Variants in TMEM106B observed in about 807,000 individuals in gnomAD.
TMEM106B encodes transmembrane protein 106B.
Under a neutral mutation model 31.1 loss-of-function variants are expected in TMEM106B, and 15 were observed. That is an observed-to-expected ratio of 0.48 (90% CI 0.32 to 0.74). The LOEUF is 0.74. Ranked by LOEUF, TMEM106B falls within the 30% of genes least tolerant of loss-of-function variation. The probability of loss-of-function intolerance (pLI) is 0.03; values close to 1 mark genes in which losing one functional copy is unlikely to be tolerated. For missense variants in TMEM106B, 283 were observed against 327.3 expected (o/e 0.86, Z 1.04); for synonymous variants, 126 against 112.5 (o/e 1.12, Z -0.76).
rs527621274 is a variant in TMEM106B at position 12,238,547 on chromosome 7, C to G, written c.*6572C>G. The G allele has an allele frequency of 1.3e-5, 2 of 152,294 alleles. No individual in the cohort carries two copies. The highest frequency in any genetic ancestry group is 3.9e-4 in the East Asian group (2 of 5,174). The allele number at this position is 152,294 out of a possible 1,614,324, so 9.4% of individuals were successfully genotyped here. On this transcript the variant is annotated 3_prime_UTR_variant, in exon 8 of 8. Coordinates refer to ENST00000396668, the MANE Select transcript of TMEM106B (RefSeq NM_001134232.2). Reference sequence around the variant, plus strand: ...AGGTTTCAATTTACTTTGCCCAGATCCATCAGAGGAATCACTACCTATGAC... The same window carrying G: ...AGGTTTCAATTTACTTTGCCCAGATGCATCAGAGGAATCACTACCTATGAC...
At chr7:12,230,184 C>T (rs1453603608) in intron 5 of TMEM106B, among the ~76,000 whole-genome samples, 2 of 151,854 alleles carry the variant, frequency 1.3e-5, no homozygotes, top group Non-Finnish European at 2.9e-5. Flanking sequence ...CCGCCGTACT[C>T]CAAACTGGGT....
At position 12,229,660 on chromosome 7, in the gene TMEM106B, C is replaced by G. The variant is rs1406302209; in HGVS notation, c.442-19C>G. 2.6e-6 allele frequency: 4 copies of G among 1,520,074 alleles called. No individual in the cohort carries two copies. Among genetic ancestry groups the G allele is most frequent in the Non-Finnish European group, 3.5e-6 (4 of 1,133,556 alleles). 94.2% of individuals were successfully genotyped at this position (1,520,074 alleles called of 1,614,324 possible). The stretch of plus-strand genomic sequence containing the variant: ...TATTTTTAGCTAACTTGTAAATTTT[C>G]TGTGTCCTTTTTTTGTAGAACACAC... On this transcript the variant is annotated intron_variant, in intron 4 of 7. Transcript: ENST00000396668.
chr7:12,217,694 A>G (rs1217322783), intron 2 of TMEM106B, among the ~76,000 whole-genome samples: 1 of 152,162 alleles, frequency 6.6e-6, no homozygotes, highest in Non-Finnish European at 1.5e-5. Context: ...TATGGGTGTG[A>G]TGGGGGAGCA....
Position 12,240,308 on chromosome 7 carries a change from C to T in TMEM106B, c.*8333C>T, listed in dbSNP as rs981340137. ...CCACTTCGTGTCCAACCCCTCTCTA[C>T]TTTCCCTCTAAACTTACTCAAACAC... On this transcript the variant is annotated 3_prime_UTR_variant, in exon 8 of 8. Transcript: ENST00000396668. 2.0e-5 allele frequency: 3 copies of T among 152,170 alleles called. No individual in the cohort carries two copies. Among genetic ancestry groups the T allele is most frequent in the African/African-American group, 4.8e-5 (2 of 41,440 alleles). The allele number at this position is 152,170 out of a possible 1,614,324, so 9.4% of individuals were successfully genotyped here. A position where few individuals can be genotyped will look rare whatever the true frequency, so the allele number is the denominator to read the frequency against.
At chr7:12,214,472 C>G in intron 1 of TMEM106B, 1 of 215,896 alleles carries the variant, frequency 4.6e-6, no homozygotes, top group Non-Finnish European at 9.2e-6. Context: ...TGGACACCCC[C>G]CAGCCTTCCA....
chr7:12,222,078 A>G (rs1781800224), intron 3 of TMEM106B, among the ~76,000 whole-genome samples: 2 of 152,314 alleles, frequency 1.3e-5, no homozygotes, highest in East Asian at 1.9e-4. Context: ...TTTTGTCTGT[A>G]TACTTTAGCT....
chr7:12,239,459 A>G lies in TMEM106B; in HGVS notation c.*7484A>G, dbSNP rs987123309. ...CTTACAGTAAGGAAATAGCACTTTT[A>G]ATTTCCTTCAAGAACTTTTCCTTTG... On this transcript the variant is annotated 3_prime_UTR_variant, in exon 8 of 8. Transcript: ENST00000396668. 1 of 152,120 alleles carries G rather than the reference A, an allele frequency of 6.6e-6. No individual in the cohort carries two copies. Among genetic ancestry groups the G allele is most frequent in the Admixed American group, 6.6e-5 (1 of 15,262 alleles). 9.4% of individuals were successfully genotyped at this position (152,120 alleles called of 1,614,324 possible).
At chr7:12,212,121 A>C (rs1026085939) in intron 1 of TMEM106B, among the ~76,000 whole-genome samples, 2 of 152,170 alleles carry the variant, frequency 1.3e-5, no homozygotes, top group African/African-American at 4.8e-5. Flanking sequence ...TTGTCCAAAC[A>C]CCTACCCTAA....
intron 4 of TMEM106B, among the ~76,000 whole-genome samples, chr7:12,225,006 A>C (rs372063098): frequency 2.0e-5 from 3 of 151,904 alleles, no homozygotes; most frequent in Non-Finnish European, 4.4e-5. Context: ...TCCTAATGCT[A>C]TCCCTCCCCC....
At chr7:12,231,357 GA>G in intron 7 of TMEM106B, 1 of 401,142 alleles carries the variant, frequency 2.5e-6, no homozygotes, top group Middle Eastern at 7.0e-4. Flanking sequence ...CAGGAAAATG[GA>G]AAGGATACAG....
Position 12,232,962 on chromosome 7 carries a change from A to G in TMEM106B, c.*987A>G, listed in dbSNP as rs1782055614. ...TAGACATGTTTTGCAACTGTTAGGT[A>G]CCCAGTTATCAATTTTATCAATGTT... On this transcript the variant is annotated 3_prime_UTR_variant, in exon 8 of 8. Transcript: ENST00000396668. 1 of 151,684 alleles carries G rather than the reference A, an allele frequency of 6.6e-6. No homozygotes were observed. Among genetic ancestry groups the G allele is most frequent in the South Asian group, 2.1e-4 (1 of 4,820 alleles). The allele number at this position is 151,684 out of a possible 1,614,324, so 9.4% of individuals were successfully genotyped here.
At chr7:12,223,044 G>A (rs1468064041) in intron 3 of TMEM106B, among the ~76,000 whole-genome samples, 1 of 152,136 alleles carries the variant, frequency 6.6e-6, no homozygotes, top group African/African-American at 2.4e-5. Flanking sequence ...AAAAAAGGAT[G>A]TTGTGGGCAT....
chr7:12,236,779 A>G lies in TMEM106B; in HGVS notation c.*4804A>G, dbSNP rs1562712711. ...ACAAATGCCAAGTTGCAAAATATGC[A>G]GATTTTTATTATATAATGGTTTTAG... On this transcript the variant is annotated 3_prime_UTR_variant, in exon 8 of 8. Transcript: ENST00000396668. The G allele has an allele frequency of 6.6e-6, 1 of 152,036 alleles. No individual in the cohort carries two copies. Among genetic ancestry groups the G allele is most frequent in the Non-Finnish European group, 1.5e-5 (1 of 67,942 alleles). 9.4% of individuals were successfully genotyped at this position (152,036 alleles called of 1,614,324 possible). A position where few individuals can be genotyped will look rare whatever the true frequency, so the allele number is the denominator to read the frequency against.
At position 12,214,989 on chromosome 7, in the gene TMEM106B, C is replaced by T. The variant is rs1173289008; in HGVS notation, c.179C>T (p.Thr60Ile). The T allele has an allele frequency of 6.2e-7, 1 of 1,613,994 alleles. No homozygotes were observed. The highest frequency in any genetic ancestry group is 1.1e-5 in the South Asian group (1 of 91,080). Residue 60 changes from threonine to isoleucine, a missense_variant, in exon 2 of 8, where the codon ACC (threonine) becomes ATC (isoleucine). Thr to Ile is a moderately conservative substitution (Grantham distance 89, BLOSUM62 -1). Around this residue, in one of 3 missense-constraint regions of TMEM106B, gnomAD observed 77 missense variants for 89.4 expected, o/e 0.86. Transcript: ENST00000396668. ...YVEFTGRDSVTCPTCQGTGRI... is the reference protein window; with the variant it reads ...YVEFTGRDSVICPTCQGTGRI... ...GAATTTACAGGAAGAGATAGTGTCACCTGCCCTACTTGTCAGGGAACAGGA... is the reference window on the plus strand; with the variant it reads ...GAATTTACAGGAAGAGATAGTGTCATCTGCCCTACTTGTCAGGGAACAGGA...
Position 12,240,409 on chromosome 7 carries a change from A to C in TMEM106B, c.*8434A>C, listed in dbSNP as rs1278257038. The C allele has an allele frequency of 2.6e-5, 4 of 152,076 alleles. No homozygotes were observed. The highest frequency in any genetic ancestry group is 5.9e-5 in the Non-Finnish European group (4 of 68,024). The allele number at this position is 152,076 out of a possible 1,614,324, so 9.4% of individuals were successfully genotyped here. On this transcript the variant is annotated 3_prime_UTR_variant, in exon 8 of 8. Coordinates refer to ENST00000396668, the MANE Select transcript of TMEM106B (RefSeq NM_001134232.2). ...TTGCCCAGTCACAAAGTTTGAGCCA[A>C]GTTTTTTTGTTTTAAACTTGTTTTA...
chr7:12,239,290 T>G lies in TMEM106B; in HGVS notation c.*7315T>G, dbSNP rs1214736265. ...CAGCCTTCATAGAATTGAAGCGTGT[T>G]AGGGCTTTGTTCAGGATTAGGCTTT... On this transcript the variant is annotated 3_prime_UTR_variant, in exon 8 of 8. Transcript: ENST00000396668. The G allele has an allele frequency of 6.6e-6, 1 of 152,148 alleles. No individual in the cohort carries two copies. Among genetic ancestry groups the G allele is most frequent in the Non-Finnish European group, 1.5e-5 (1 of 68,022 alleles). The allele number at this position is 152,148 out of a possible 1,614,324, so 9.4% of individuals were successfully genotyped here. A position where few individuals can be genotyped will look rare whatever the true frequency, so the allele number is the denominator to read the frequency against.
In TMEM106B at chr7:12,231,052, T is replaced by TCAG; in HGVS notation, c.633-9_633-8insAGC. The TCAG allele has an allele frequency of 6.4e-7, 1 of 1,572,724 alleles. No individual in the cohort carries two copies. Among genetic ancestry groups the TCAG allele is most frequent in the South Asian group, 1.2e-5 (1 of 85,820 alleles). On this transcript the variant is annotated splice_polypyrimidine_tract_variant and intron_variant, in intron 6 of 7. Transcript: ENST00000396668. ...ACTTGCATTTGTTCACATTTTAATT[T>TCAG]CTTTAACAGTGATTTCTGTACTCTG...
chr7:12,225,215 G>A (rs1781876105), intron 4 of TMEM106B, among the ~76,000 whole-genome samples: 1 of 152,252 alleles, frequency 6.6e-6, no homozygotes, highest in African/African-American at 2.4e-5. Context: ...TTTTATGGCT[G>A]TATAGTATTC....
At chr7:12,218,544 C>T (rs1233210683) in intron 3 of TMEM106B, 23 bp downstream of exon 3, 11 of 1,585,380 alleles carry the variant, frequency 6.9e-6, no homozygotes, top group Non-Finnish European at 8.6e-6. Context: ...AAGAATATGG[C>T]AGTGTTTTAT....
Sources: allele counts gnomAD v4.1 joint callset (sites outside exome capture counted in the v4.1 genomes callset), GRCh38; gene constraint gnomAD v4.1.1; regional missense constraint gnomAD v4.1.1; transcripts MANE v1.5; gene names NCBI Gene and HGNC (gene_info 2026-07-23, HGNC 2026-07-21).